The following C8B variants were observed in gnomAD, a reference collection of about 807,000 sequenced individuals.
The protein encoded by C8B is complement C8 beta chain.
A neutral mutation model predicts 64.6 loss-of-function variants in C8B; 67 were observed. The ratio of observed to expected loss-of-function variants is 1.04; its 90% CI spans 0.85 to 1.27. The LOEUF (loss-of-function observed/expected upper bound fraction) is 1.27, where lower values mean the gene tolerates loss of function less well. Among genes scored for constraint, C8B ranks in the 50% most tolerant of loss-of-function variants. The pLI, the probability that C8B is intolerant of heterozygous loss-of-function variation, is 0.00. For missense variants in C8B, 790 were observed against 725.2 expected, an observed-to-expected ratio of 1.09 and a Z score of -1.03; for synonymous variants, 284 against 257.7, an observed-to-expected ratio of 1.10 and a Z score of -0.98.
intron 1 of C8B, among the ~76,000 whole-genome samples, chr1:56,964,237 C>G (rs1273553662): frequency 6.6e-6 from 1 of 152,204 alleles, no homozygotes; most frequent in African/African-American, 2.4e-5. Flanking sequence ...CTCCCTACCT[C>G]AGAGTGAACT....
Position 56,931,834 on chromosome 1 carries a change from C to T in C8B, c.1597G>A (p.Ala533Thr). 6.2e-7 allele frequency: 1 copy of T among 1,612,208 alleles called. No individual in the cohort carries two copies. The highest frequency in any genetic ancestry group is 1.7e-5 in the Admixed American group (1 of 59,972). ...CICPVGSQGL[A>T]CEVSYRKNTP... The stretch of plus-strand genomic sequence containing the variant: ...CTCTTCCGATAGGAGACCTCACAGG[C>T]TAGGCCTTGGGATCCAACAGGACAG... The change falls in exon 11 of 12, where the codon GCC (alanine) becomes ACC (threonine). Residue 533 changes from alanine to threonine, a missense_variant. Ala to Thr is a moderately conservative substitution (Grantham distance 58). Transcript: ENST00000371237.
intron 9 of C8B, among the ~76,000 whole-genome samples, chr1:56,939,661 CT>C (rs1644822534): frequency 6.6e-6 from 1 of 152,206 alleles, no homozygotes; most frequent in South Asian, 2.1e-4. Context: ...TAACAAACAT[CT>C]TTTTAGTTTA....
chr1:56,943,918 T>C, intron 7 of C8B, 94 bp from the exon 8 acceptor site: 4 of 1,439,840 alleles, frequency 2.8e-6, no homozygotes, highest in Non-Finnish European at 3.9e-6. Flanking sequence ...CCCTGTTGAA[T>C]GTCACAAGGA....
At chr1:56,936,792 C>T (rs1397702517) in intron 9 of C8B, among the ~76,000 whole-genome samples, 2 of 152,032 alleles carry the variant, frequency 1.3e-5, no homozygotes, top group African/African-American at 4.8e-5. Flanking sequence ...TGGTTTTCAC[C>T]ATGTTGGCCA....
chr1:56,945,945 C>T lies in C8B; in HGVS notation c.981G>A (p.Glu327=). The T allele has an allele frequency of 1.2e-6, 2 of 1,614,170 alleles. No individual in the cohort carries two copies. Among genetic ancestry groups the T allele is most frequent in the Non-Finnish European group, 1.7e-6 (2 of 1,180,016 alleles). ...FLQRVKRLPL[E]YSYGEYRDLF... is the part of the protein sequence containing the mutation. The stretch of plus-strand genomic sequence containing the variant: ...GATCTCTGTATTCCCCGTAGCTGTA[C>T]TCCAGGGGCAGCCGCTTAACTCTCT... Residue 327 remains glutamate (E), a synonymous_variant, in exon 7 of 12, where the codon GAG becomes GAA. Transcript: ENST00000371237.
At chr1:56,953,979 G>GT (rs938448807) in intron 4 of C8B, among the ~76,000 whole-genome samples, 2 of 152,138 alleles carry the variant, frequency 1.3e-5, no homozygotes, top group Non-Finnish European at 2.9e-5. Flanking sequence ...GATTTGATGG[G>GT]TTTTTTTAGA....
intron 11 of C8B, among the ~76,000 whole-genome samples, chr1:56,930,995 A>T (rs1232938232): frequency 1.3e-5 from 2 of 152,208 alleles, no homozygotes; most frequent in African/African-American, 4.8e-5. Flanking sequence ...TCAGTTATTA[A>T]ATGATGGAGA....
chr1:56,959,893 T>C, intron 2 of C8B, 127 bp downstream of exon 2: 1 of 1,036,548 alleles, frequency 9.6e-7, no homozygotes, highest in South Asian at 1.3e-5. Context: ...AAGGATGCAT[T>C]TATTAAGTTA....
intron 4 of C8B, 85 bp from the exon 5 acceptor site, chr1:56,952,265 A>G (rs1570396599): frequency 6.3e-7 from 1 of 1,582,868 alleles, no homozygotes. Flanking sequence ...AACGAAAACA[A>G]AAACTCCTTG....
intron 1 of C8B, chr1:56,963,754 G>A: frequency 1.8e-6 from 1 of 561,450 alleles, no homozygotes; most frequent in Non-Finnish European, 2.3e-6. Context: ...CTGTGAAACT[G>A]TAAACAGTAG....
At chr1:56,965,379 G>C (rs943031642) in intron 1 of C8B, among the ~76,000 whole-genome samples, 2 of 70,226 alleles carry the variant, frequency 2.8e-5, no homozygotes, top group Non-Finnish European at 2.5e-5. Context: ...TGTGGGGGGT[G>C]AGAGAGAGAG....
chr1:56,931,117 A>T (rs1346833309), intron 11 of C8B, among the ~76,000 whole-genome samples: 1 of 152,248 alleles, frequency 6.6e-6, no homozygotes, highest in Non-Finnish European at 1.5e-5. Context: ...CATATTGAAC[A>T]GTATCACCAA....
chr1:56,930,861 A>G (rs1644691227), intron 11 of C8B, among the ~76,000 whole-genome samples: 1 of 152,250 alleles, frequency 6.6e-6, no homozygotes, highest in African/African-American at 2.4e-5. Context: ...GTAAGGTATC[A>G]TTCCAAACGC....
At chr1:56,964,364 A>C (rs931919646) in intron 1 of C8B, among the ~76,000 whole-genome samples, 1 of 151,724 alleles carries the variant, frequency 6.6e-6, no homozygotes, top group East Asian at 1.9e-4. Flanking sequence ...GCATCCCCCA[A>C]CTCTGCCCAT....
At chr1:56,929,716 C>T (rs1644669040) in intron 11 of C8B, among the ~76,000 whole-genome samples, 158 bp from the exon 12 acceptor site, 1 of 152,150 alleles carries the variant, frequency 6.6e-6, no homozygotes, top group Non-Finnish European at 1.5e-5. Context: ...CATGCTCTTG[C>T]CTACCACAGG....
intron 9 of C8B, 118 bp downstream of exon 9, chr1:56,940,731 G>T: frequency 1.8e-6 from 2 of 1,081,350 alleles, no homozygotes; most frequent in Non-Finnish European, 2.8e-6. Context: ...TCGTATATGT[G>T]TCCCAAAATT....
In C8B at chr1:56,935,542, T is replaced by G. The variant is rs189534519; in HGVS notation, c.1399-2054A>C. On this transcript the variant is annotated intron_variant, in intron 9 of 11. Coordinates refer to ENST00000371237, the MANE Select transcript of C8B (RefSeq NM_000066.4). ...AAGAAATGGTGAGCACCGACTAAAC[T>G]CTACACAAGTTTCCATACTAAACCT... 1.4e-4 allele frequency among the ~76,000 whole-genome samples: 21 copies of G among 152,362 alleles called. No homozygotes were observed. In the East Asian group the frequency reaches 4.0e-3, roughly 29 times the overall value.
chr1:56,931,497 G>A, intron 11 of C8B: 1 of 350,656 alleles, frequency 2.9e-6, no homozygotes, highest in Admixed American at 3.9e-5. Flanking sequence ...GGAATTTGAG[G>A]GCTGAATAGC....
At chr1:56,959,953 C>G (rs1188642770) in intron 2 of C8B, 67 bp downstream of exon 2, 7 of 1,584,830 alleles carry the variant, frequency 4.4e-6, no homozygotes, top group Middle Eastern at 1.7e-4. Context: ...TTAGCAATGG[C>G]TCAGCCGATC....
Sources: allele counts gnomAD v4.1 joint callset (sites outside exome capture counted in the v4.1 genomes callset), GRCh38; gene constraint gnomAD v4.1.1; transcripts MANE v1.5; gene names NCBI Gene and HGNC (gene_info 2026-07-23, HGNC 2026-07-21).